CDH12: variants seen among roughly 807,000 people sequenced by gnomAD.
CDH12 encodes the protein cadherin 12.
CDH12 carries 41 observed loss-of-function variants against 74.1 expected under a neutral mutation model. That is an observed-to-expected ratio of 0.55 (90% confidence interval 0.43 to 0.72). The LOEUF (loss-of-function observed/expected upper bound fraction) is 0.72, where lower values mean the gene tolerates loss of function less well. CDH12 is among the 30% of genes least tolerant of loss of function. The pLI is 0.00. For synonymous variants in CDH12, 399 were observed against 355.0 expected (o/e 1.12, Z -1.39); for missense variants, 945 against 977.2 (o/e 0.97, Z 0.44).
intron 5 of CDH12, among the ~76,000 whole-genome samples, chr5:22,031,188 G>T (rs892240093): frequency 1.3e-5 from 2 of 151,992 alleles, no homozygotes; most frequent in African/African-American, 4.8e-5. Context: ...GAAAAAATTA[G>T]CCAGGCGTGG....
intron 3 of CDH12, among the ~76,000 whole-genome samples, chr5:22,255,389 G>A (rs1333635075): frequency 1.3e-5 from 2 of 151,394 alleles, no homozygotes; most frequent in Non-Finnish European, 3.0e-5. Flanking sequence ...ATTATAGATA[G>A]CATTTAACTT....
chr5:22,687,291 TAAAA>T (rs535482418), intron 1 of CDH12, among the ~76,000 whole-genome samples: 1 of 147,004 alleles, frequency 6.8e-6, no homozygotes, highest in Non-Finnish European at 1.5e-5. Context: ...AAACTCCGTC[TAAAA>T]AAAAAAGAAA....
In CDH12 at chr5:22,446,337, C is replaced by T. The variant is rs72637703; in HGVS notation, c.-427-40986G>A. On this transcript the variant is annotated intron_variant, in intron 2 of 14. Transcript: ENST00000382254. ...ACCCTTTCTAACTTTTAGTAGATGACGTGCCAAGTTTCCAAGCCAGTATTT... is the reference window on the plus strand; with the variant it reads ...ACCCTTTCTAACTTTTAGTAGATGATGTGCCAAGTTTCCAAGCCAGTATTT... 3.9e-3 allele frequency among the ~76,000 whole-genome samples: 591 copies of T among 152,174 alleles called. 25 individuals carry two copies. In the East Asian group the frequency reaches 0.095, roughly 24 times the overall value.
At chr5:22,501,768 G>C (rs1736160030) in intron 2 of CDH12, among the ~76,000 whole-genome samples, 1 of 150,882 alleles carries the variant, frequency 6.6e-6, no homozygotes, top group South Asian at 2.1e-4. Context: ...AAAACAGATG[G>C]CTCTGCAATT....
At chr5:22,778,139 T>G (rs1019719595) in intron 1 of CDH12, among the ~76,000 whole-genome samples, 2 of 152,164 alleles carry the variant, frequency 1.3e-5, no homozygotes, top group Non-Finnish European at 1.5e-5. Context: ...AGTCTCATCA[T>G]ATATTTAGAA....
chr5:22,607,716 G>T (rs1173007295), intron 1 of CDH12, among the ~76,000 whole-genome samples: 1 of 152,212 alleles, frequency 6.6e-6, no homozygotes, highest in African/African-American at 2.4e-5. Context: ...CTGGGCCCAG[G>T]ACCTTCTGCT....
At chr5:22,727,172 T>C (rs1209396883) in intron 1 of CDH12, among the ~76,000 whole-genome samples, 3 of 151,892 alleles carry the variant, frequency 2.0e-5, no homozygotes, top group Middle Eastern at 3.4e-3. Flanking sequence ...GAACTTGCAA[T>C]ATAGAAAAGC....
At chr5:22,421,404 T>C (rs917429858) in intron 2 of CDH12, among the ~76,000 whole-genome samples, 2 of 152,158 alleles carry the variant, frequency 1.3e-5, no homozygotes, top group African/African-American at 4.8e-5. Flanking sequence ...GTTCTCATTG[T>C]TCAACTCCCA....
At chr5:22,448,148 A>G (rs1187799489) in intron 2 of CDH12, among the ~76,000 whole-genome samples, 1 of 150,612 alleles carries the variant, frequency 6.6e-6, no homozygotes, top group Non-Finnish European at 1.5e-5. Context: ...ACAGAGTAAG[A>G]CCCTGTGTCA....
At chr5:22,662,484 C>T (rs1269593116) in intron 1 of CDH12, among the ~76,000 whole-genome samples, 1 of 152,116 alleles carries the variant, frequency 6.6e-6, no homozygotes, top group African/African-American at 2.4e-5. Flanking sequence ...GACATTAACA[C>T]ATATGCAATG....
In CDH12 at chr5:22,554,651, T is replaced by C. The variant is rs139901095; in HGVS notation, c.-522-49287A>G. Among the ~76,000 whole-genome samples, 535 of 152,198 alleles carry C rather than the reference T, an allele frequency of 3.5e-3. 3 individuals carry two copies. The highest frequency in any genetic ancestry group is 4.8e-3 in the Non-Finnish European group (326 of 67,962). The stretch of plus-strand genomic sequence containing the variant: ...ATGCAGCACAGTATGACTCAGTGTA[T>C]CTTTGTCAGAGAAATTAATGCTTCC... On this transcript the variant is annotated intron_variant, in intron 1 of 14. Coordinates refer to ENST00000382254, the MANE Select transcript of CDH12 (RefSeq NM_004061.5).
intron 2 of CDH12, among the ~76,000 whole-genome samples, chr5:22,448,561 T>C (rs1011481822): frequency 3.3e-5 from 5 of 152,114 alleles, no homozygotes; most frequent in African/African-American, 1.2e-4. Context: ...GAGGATTTCA[T>C]TATCTGTTTG....
intron 4 of CDH12, among the ~76,000 whole-genome samples, chr5:22,081,440 T>C (rs1218989913): frequency 1.3e-5 from 2 of 152,178 alleles, no homozygotes; most frequent in Admixed American, 6.5e-5. Context: ...TTTCATCCCA[T>C]ACTCATACCA....
At chr5:22,051,458 T>G (rs1474356542) in intron 5 of CDH12, among the ~76,000 whole-genome samples, 1 of 152,182 alleles carries the variant, frequency 6.6e-6, no homozygotes, top group Non-Finnish European at 1.5e-5. Flanking sequence ...TAGATATAAA[T>G]GATTCCATGT....
intron 1 of CDH12, among the ~76,000 whole-genome samples, chr5:22,713,334 G>A (rs1035564981): frequency 3.3e-5 from 5 of 151,190 alleles, no homozygotes; most frequent in African/African-American, 1.2e-4. Context: ...GTAGAGACGG[G>A]GTTTCACTAT....
chr5:22,671,255 CTG>C (rs546795898), intron 1 of CDH12, among the ~76,000 whole-genome samples: 1 of 151,736 alleles, frequency 6.6e-6, no homozygotes, highest in African/African-American at 2.4e-5. Context: ...TCTCTTTGCT[CTG>C]TGTGTGTGTG....
chr5:22,283,287 T>C (rs111404797), intron 3 of CDH12, among the ~76,000 whole-genome samples: 51,962 of 137,280 alleles, frequency 0.38, 9,682 homozygotes, highest in East Asian at 0.49. Context: ...TATACACACA[T>C]ATATATATAG....
chr5:22,655,006 G>A (rs576999516), intron 1 of CDH12, among the ~76,000 whole-genome samples: 4 of 152,140 alleles, frequency 2.6e-5, no homozygotes, highest in South Asian at 4.2e-4. Context: ...ATAGGCAACC[G>A]TCCTTAAAAG....
chr5:22,425,470 G>A (rs193205560), intron 2 of CDH12, among the ~76,000 whole-genome samples: 25 of 151,394 alleles, frequency 1.7e-4, no homozygotes, highest in Admixed American at 4.6e-4. Context: ...ATATGAAGGC[G>A]GTGTGCTAAA....
Sources: gnomAD v4.1 joint callset for allele counts (sites outside exome capture counted in the v4.1 genomes callset) on GRCh38, gnomAD v4.1.1 for gene constraint, MANE v1.5 for transcripts, NCBI Gene and HGNC (gene_info 2026-07-23, HGNC 2026-07-21) for gene names.